Variants in SHISA9 observed in about 807,000 individuals in gnomAD.
The protein encoded by SHISA9 is shisa family member 9.
A neutral mutation model predicts 38.0 loss-of-function variants in SHISA9; 13 were observed. That is an observed-to-expected ratio of 0.34 (90% CI 0.22 to 0.54). The LOEUF (loss-of-function observed/expected upper bound fraction) is 0.54, where lower values mean the gene tolerates loss of function less well. Ranked by LOEUF, SHISA9 falls within the 20% of genes least tolerant of loss-of-function variation. The pLI, the probability that SHISA9 is intolerant of heterozygous loss-of-function variation, is 0.91. For synonymous variants in SHISA9, 275 were observed against 242.0 expected (o/e 1.14, Z -1.27); for missense variants, 538 against 575.8 (o/e 0.93, Z 0.67).
the SHISA9 span, among the ~76,000 whole-genome samples, chr16:13,283,036 A>T: frequency 2.0e-5 from 3 of 151,946 alleles, no homozygotes; most frequent in Non-Finnish European, 4.4e-5. Context: ...ACTATGGTTC[A>T]TTTTTTCCTG....
the SHISA9 span, among the ~76,000 whole-genome samples, chr16:13,329,529 C>T: frequency 6.6e-6 from 1 of 152,150 alleles, no homozygotes; most frequent in African/African-American, 2.4e-5. Flanking sequence ...TCATTTTCTT[C>T]CCACTCCTCT....
At chr16:13,020,174 G>C (rs1015759555) in intron 2 of SHISA9, among the ~76,000 whole-genome samples, 1 of 151,178 alleles carries the variant, frequency 6.6e-6, no homozygotes, top group Admixed American at 6.6e-5. Context: ...TTAGAGGCAA[G>C]TGCCACCATG....
chr16:13,067,345 A>T (rs1461119802), intron 2 of SHISA9, among the ~76,000 whole-genome samples: 1 of 152,178 alleles, frequency 6.6e-6, no homozygotes, highest in Non-Finnish European at 1.5e-5. Context: ...CTGGCATTTG[A>T]TGAACTCAAG....
At chr16:13,139,777 G>T (rs1169052803) in intron 2 of SHISA9, among the ~76,000 whole-genome samples, 1 of 152,162 alleles carries the variant, frequency 6.6e-6, no homozygotes, top group East Asian at 1.9e-4. Context: ...AACAAGACAA[G>T]TCAGGTTAGA....
chr16:12,931,139 A>G (rs2071456316), intron 2 of SHISA9, among the ~76,000 whole-genome samples: 1 of 152,212 alleles, frequency 6.6e-6, no homozygotes, highest in Admixed American at 6.5e-5. Context: ...GATAACTTTT[A>G]GTAAAAGTAC....
chr16:13,462,605 C>T, the SHISA9 span, among the ~76,000 whole-genome samples: 1 of 152,236 alleles, frequency 6.6e-6, no homozygotes, highest in Non-Finnish European at 1.5e-5. Context: ...AGGCAGATGG[C>T]TTTGAGGTCA....
At chr16:13,060,441 G>C (rs1203273778) in intron 2 of SHISA9, among the ~76,000 whole-genome samples, 1 of 151,956 alleles carries the variant, frequency 6.6e-6, no homozygotes, top group Non-Finnish European at 1.5e-5. Flanking sequence ...CTGAGAAATG[G>C]GCAGATTGGA....
chr16:13,367,111 G>C, the SHISA9 span, among the ~76,000 whole-genome samples: 1 of 151,804 alleles, frequency 6.6e-6, no homozygotes, highest in East Asian at 1.9e-4. Context: ...AGTACAAGGA[G>C]TTTCAATTAG....
chr16:13,499,878 A>G, the SHISA9 span, among the ~76,000 whole-genome samples: 1 of 152,188 alleles, frequency 6.6e-6, no homozygotes, highest in Non-Finnish European at 1.5e-5. Flanking sequence ...ACCCAAACAA[A>G]GAACAATGGT....
intron 2 of SHISA9, among the ~76,000 whole-genome samples, chr16:13,001,867 A>T (rs1763136622): frequency 6.6e-6 from 1 of 152,200 alleles, no homozygotes; most frequent in Admixed American, 6.5e-5. Flanking sequence ...GAGTGGGTAG[A>T]GGGGAGGGTA....
At chr16:12,962,802 C>T (rs761211698) in intron 2 of SHISA9, among the ~76,000 whole-genome samples, 3 of 152,172 alleles carry the variant, frequency 2.0e-5, no homozygotes, top group Non-Finnish European at 4.4e-5. Flanking sequence ...TTTGAATCAC[C>T]CTGATTTTCA....
At chr16:13,540,728 G>C in the SHISA9 span, among the ~76,000 whole-genome samples, 1 of 152,160 alleles carries the variant, frequency 6.6e-6, no homozygotes, top group African/African-American at 2.4e-5. Flanking sequence ...CTCCCATAGT[G>C]AGCATTAAGT....
chr16:13,054,930 T>A (rs1379424431), intron 2 of SHISA9, among the ~76,000 whole-genome samples: 1 of 152,242 alleles, frequency 6.6e-6, no homozygotes, highest in African/African-American at 2.4e-5. Context: ...AGTTTGCTTT[T>A]ACTTGTCCTT....
At chr16:13,522,148 A>G in the SHISA9 span, among the ~76,000 whole-genome samples, 1 of 152,096 alleles carries the variant, frequency 6.6e-6, no homozygotes, top group East Asian at 1.9e-4. Flanking sequence ...ATAAGAGGAG[A>G]TCATTGTTAG....
At chr16:13,336,017 C>T in the SHISA9 span, among the ~76,000 whole-genome samples, 2 of 152,194 alleles carry the variant, frequency 1.3e-5, no homozygotes, top group African/African-American at 4.8e-5. Context: ...AGAACAGTCA[C>T]CATATGGGTA....
the SHISA9 span, among the ~76,000 whole-genome samples, chr16:13,255,879 C>G: frequency 1.3e-5 from 2 of 152,164 alleles, no homozygotes; most frequent in African/African-American, 4.8e-5. Flanking sequence ...ATTAATAGAA[C>G]AAATTTTTCT....
At chr16:12,986,350 G>A (rs1261951432) in intron 2 of SHISA9, among the ~76,000 whole-genome samples, 2 of 152,076 alleles carry the variant, frequency 1.3e-5, no homozygotes, top group Admixed American at 6.6e-5. Flanking sequence ...TTGGGGAGAC[G>A]AGGGTGAAGT....
intron 2 of SHISA9, among the ~76,000 whole-genome samples, chr16:13,110,145 C>T (rs927933757): frequency 6.6e-6 from 1 of 152,208 alleles, no homozygotes; most frequent in African/African-American, 2.4e-5. Flanking sequence ...GAGCATCTCT[C>T]ATAACCTGGA....
At chr16:13,251,339 T>C in the SHISA9 span, among the ~76,000 whole-genome samples, 15 of 152,164 alleles carry the variant, frequency 9.9e-5, 1 homozygote, top group Non-Finnish European at 4.4e-5. Context: ...CTTTTTTTAC[T>C]CCAGTCATTG....
Sources: allele counts gnomAD v4.1 joint callset (sites outside exome capture counted in the v4.1 genomes callset), GRCh38; gene constraint gnomAD v4.1.1; transcripts MANE v1.5; gene names NCBI Gene and HGNC (gene_info 2026-07-23, HGNC 2026-07-21).